CEP295NL: variants seen among roughly 807,000 people sequenced by gnomAD.
CEP295NL encodes the protein protein DDC8 homolog.
A neutral mutation model predicts 4.6 loss-of-function variants in CEP295NL; 3 were observed. That is an observed-to-expected ratio of 0.65 (90% CI 0.30 to 1.69). The LOEUF (loss-of-function observed/expected upper bound fraction) is 1.69, where lower values mean the gene tolerates loss of function less well. Ranked by LOEUF, CEP295NL falls within the 40% of genes most tolerant of loss-of-function variation. The pLI is 0.10. For synonymous variants in CEP295NL, 295 were observed against 312.2 expected (o/e 0.94, Z 0.58); for missense variants, 719 against 769.0 (o/e 0.93, Z 0.77).
chr17:78,892,023 C>A lies in CEP295NL; in HGVS notation c.481G>T (p.Ala161Ser). 6.4e-7 allele frequency: 1 copy of A among 1,550,714 alleles called. No homozygotes were observed. Among genetic ancestry groups the A allele is most frequent in the Non-Finnish European group, 8.7e-7 (1 of 1,147,024 alleles). Residue 161 changes from alanine to serine, a missense_variant, in exon 3 of 3, where the codon GCC becomes TCC. Transcript: ENST00000322630. ...TTCTCCTTGGCCCTCGGGGGCCTGG[C>A]TGATCTTCGCTGGATGGGCCCCTGC... is the stretch of plus-strand genomic sequence containing the variant. ...DSQGPIQRRS[A>S]RPPRAKEKHR... is the part of the protein sequence containing the mutation.
rs1439837111 is a variant in CEP295NL at position 78,897,944 on chromosome 17, G to GA, written c.44+3840dup. 2.6e-5 allele frequency: 4 copies of GA among 152,302 alleles called. No homozygotes were observed. In the South Asian group the frequency reaches 6.2e-4, roughly 24 times the overall value. The allele number at this position is 152,302 out of a possible 1,614,324, so 9.4% of individuals were successfully genotyped here. A position where few individuals can be genotyped will look rare whatever the true frequency, so the allele number is the denominator to read the frequency against. On this transcript the variant is annotated intron_variant, in intron 2 of 2. Transcript: ENST00000322630. ...GCAGAGGTCTTTGGGATAAAGTCCA[G>GA]AAAATCACAGCTGGCTCCATCATTC...
In CEP295NL at chr17:78,891,847, CG is replaced by C; in HGVS notation, c.656del (p.Pro219ArgfsTer32). 6.4e-7 allele frequency: 1 copy of C among 1,550,692 alleles called. No homozygotes were observed. Among genetic ancestry groups the C allele is most frequent in the Non-Finnish European group, 8.7e-7 (1 of 1,147,008 alleles). On this transcript the variant is annotated frameshift_variant, in exon 3 of 3. Coordinates refer to ENST00000322630, the MANE Select transcript of CEP295NL (RefSeq NM_001243540.2). LOFTEE classifies it low-confidence loss of function (END_TRUNC). This position sits in a 1 kb window ranked among gnomAD's most constrained non-coding sequence, Gnocchi z 4.5. ...CTGGCCTTCCCTTTCTCTTCTCAGG[CG>C]GGGCCAGGTGAGAATTCATCCGACC... ...ATGRMNSHLA[P>X]PEKRKGRPEP...
intron 2 of CEP295NL, among the ~76,000 whole-genome samples, chr17:78,895,250 C>T (rs564516908): frequency 2.0e-5 from 3 of 152,242 alleles, no homozygotes; most frequent in South Asian, 2.1e-4. Context: ...CATTGCACTC[C>T]AGCCTGGATG....
chr17:78,902,209 C>T (rs1426221541), intron 1 of CEP295NL, among the ~76,000 whole-genome samples: 3 of 152,210 alleles, frequency 2.0e-5, no homozygotes, highest in Non-Finnish European at 2.9e-5. Flanking sequence ...CGGGTTCAAG[C>T]AATTCTCCTG....
chr17:78,892,002 C>A lies in CEP295NL; in HGVS notation c.502G>T (p.Glu168Ter). 6.4e-7 allele frequency: 1 copy of A among 1,550,716 alleles called. No individual in the cohort carries two copies. The change falls in exon 3 of 3, where the codon GAG becomes TAG. Residue 168 changes from glutamate (E) to a stop codon, truncating the protein, a stop_gained. Coordinates refer to ENST00000322630, the MANE Select transcript of CEP295NL (RefSeq NM_001243540.2). LOFTEE classifies it low-confidence loss of function (END_TRUNC). ...TCACTAAGGGCTGCTCTATGCTTCTCCTTGGCCCTCGGGGGCCTGGCTGAT... is the reference window on the plus strand; with the variant it reads ...TCACTAAGGGCTGCTCTATGCTTCTACTTGGCCCTCGGGGGCCTGGCTGAT... ...RRSARPPRAK[E>*]KHRAALSEER...
In CEP295NL at chr17:78,896,799, G is replaced by A. The variant is rs891686517; in HGVS notation, c.45-4340C>T. ...TCCCACAGAGCGGAGTGGACACTGGGCCCATTCTCCTCTCTTGCTCTCTAC... is the reference window on the plus strand; with the variant it reads ...TCCCACAGAGCGGAGTGGACACTGGACCCATTCTCCTCTCTTGCTCTCTAC... On this transcript the variant is annotated intron_variant, in intron 2 of 2. Coordinates refer to ENST00000322630, the MANE Select transcript of CEP295NL (RefSeq NM_001243540.2). This position sits in a 1 kb window ranked among gnomAD's most constrained non-coding sequence, Gnocchi z 4.4. 1 of 446,392 alleles carries A rather than the reference G, an allele frequency of 2.2e-6. No individual in the cohort carries two copies. The highest frequency in any genetic ancestry group is 2.2e-5 in the African/African-American group (1 of 46,500). 27.7% of individuals were successfully genotyped at this position (446,392 alleles called of 1,614,324 possible).
chr17:78,893,792 C>G (rs1384552568), intron 2 of CEP295NL, among the ~76,000 whole-genome samples: 2 of 152,070 alleles, frequency 1.3e-5, no homozygotes, highest in Non-Finnish European at 2.9e-5. Context: ...AAGGACTCTT[C>G]CAGGTCTCTT....
At position 78,893,704 on chromosome 17, in the gene CEP295NL, A is replaced by G. The variant is rs191317547; in HGVS notation, c.45-1245T>C. ...TGCAAGTCTGATACTTGAATCCAGTAGAAACCAGAGAGGAGGAGAAGCTGG... is the reference window on the plus strand; with the variant it reads ...TGCAAGTCTGATACTTGAATCCAGTGGAAACCAGAGAGGAGGAGAAGCTGG... On this transcript the variant is annotated intron_variant, in intron 2 of 2. Transcript: ENST00000322630. 3.7e-3 allele frequency among the ~76,000 whole-genome samples: 560 copies of G among 152,166 alleles called. 2 individuals are homozygous for G. Among genetic ancestry groups the G allele is most frequent in the African/African-American group, 0.013 (525 of 41,482 alleles).
In CEP295NL at chr17:78,896,026, C is replaced by T. The variant is rs934829694; in HGVS notation, c.45-3567G>A. Among the ~76,000 whole-genome samples, 7 of 152,238 alleles carry T rather than the reference C, an allele frequency of 4.6e-5. No individual in the cohort carries two copies. The highest frequency in any genetic ancestry group is 8.8e-5 in the Non-Finnish European group (6 of 68,044). ...AGCAGCGTCAGTTTTCCTGGAGACACGCAAACGGGTAAAAACTTAACACAT... is the reference window on the plus strand; with the variant it reads ...AGCAGCGTCAGTTTTCCTGGAGACATGCAAACGGGTAAAAACTTAACACAT... On this transcript the variant is annotated intron_variant, in intron 2 of 2. Transcript: ENST00000322630. This position sits in a 1 kb window ranked among gnomAD's most constrained non-coding sequence, Gnocchi z 4.4.
chr17:78,896,366 A>G lies in CEP295NL; in HGVS notation c.45-3907T>C, dbSNP rs1033746204. On this transcript the variant is annotated intron_variant, in intron 2 of 2. Coordinates refer to ENST00000322630, the MANE Select transcript of CEP295NL (RefSeq NM_001243540.2). The surrounding 1 kb of genome is among the most constrained non-coding windows in gnomAD (Gnocchi z 4.4). The stretch of plus-strand genomic sequence containing the variant: ...GCCTGTGATGCCCAGGCTGATCTCC[A>G]GGCAGCCCAGTGTCTCTCCAGCCCT... Among the ~76,000 whole-genome samples the G allele has an allele frequency of 3.3e-5, 5 of 152,176 alleles. No homozygotes were observed. The highest frequency in any genetic ancestry group is 1.2e-4 in the African/African-American group (5 of 41,450).
At chr17:78,893,143 GTACATGTGTGTGCAGGGGTGTGTGTGCA>G (rs1304701986) in intron 2 of CEP295NL, among the ~76,000 whole-genome samples, 410 of 144,866 alleles carry the variant, frequency 2.8e-3, no homozygotes, top group Non-Finnish European at 4.0e-3. Context: ...GTGTGTGTGC[GTACATGTGTGTGCAGGGGTGTGTGTGCA>G]TACATGTGTG....
chr17:78,895,530 G>A (rs774721678), intron 2 of CEP295NL, among the ~76,000 whole-genome samples: 3 of 152,188 alleles, frequency 2.0e-5, no homozygotes, highest in Non-Finnish European at 4.4e-5. Context: ...CACGCTGCTG[G>A]TGGGAATGGA....
chr17:78,896,986 C>T lies in CEP295NL; in HGVS notation c.45-4527G>A. ...CTACAGCTTGAGAATGACGTCCAAG[C>T]AGCTCGCCTTTCCCTGGGCGGCCGC... On this transcript the variant is annotated intron_variant, in intron 2 of 2. Transcript: ENST00000322630. The surrounding 1 kb of genome is among the most constrained non-coding windows in gnomAD (Gnocchi z 4.4). 1 of 985,402 alleles carries T rather than the reference C, an allele frequency of 1.0e-6. No individual in the cohort carries two copies. Among genetic ancestry groups the T allele is most frequent in the Non-Finnish European group, 1.2e-6 (1 of 829,920 alleles). The allele number at this position is 985,402 out of a possible 1,614,324, so 61.0% of individuals were successfully genotyped here.
At chr17:78,900,127 C>T (rs1379634210) in intron 2 of CEP295NL, 2 of 152,130 alleles carry the variant, frequency 1.3e-5, no homozygotes, top group Non-Finnish European at 2.9e-5. Flanking sequence ...AACAGAGGTC[C>T]CATAAACTAA....
At chr17:78,900,861 G>A (rs1422964482) in intron 2 of CEP295NL, 1 of 152,288 alleles carries the variant, frequency 6.6e-6, no homozygotes, top group East Asian at 1.9e-4. Flanking sequence ...CAGCACAGGG[G>A]ACAAAAGACG....
At chr17:78,892,719 A>T (rs1053916327) in intron 2 of CEP295NL, among the ~76,000 whole-genome samples, 6 of 152,194 alleles carry the variant, frequency 3.9e-5, no homozygotes, top group Non-Finnish European at 5.9e-5. Context: ...CAATGTCTGG[A>T]AACATTTTCT....
intron 2 of CEP295NL, among the ~76,000 whole-genome samples, chr17:78,894,200 C>T (rs530938048): frequency 2.0e-5 from 3 of 151,886 alleles, no homozygotes; most frequent in Non-Finnish European, 2.9e-5. Flanking sequence ...CCTACCCCCC[C>T]CGGTTCACAG....
Position 78,891,994 on chromosome 17 carries a change from A to T in CEP295NL, c.510T>A (p.His170Gln), listed in dbSNP as rs1021106466. The T allele has an allele frequency of 5.8e-6, 9 of 1,550,328 alleles. No individual in the cohort carries two copies. The highest frequency in any genetic ancestry group is 7.0e-6 in the Non-Finnish European group (8 of 1,147,002). ...SARPPRAKEK[H>Q]RAALSEERSC... ...TCCTCTCTTCACTAAGGGCTGCTCT[A>T]TGCTTCTCCTTGGCCCTCGGGGGCC... Residue 170 changes from histidine (H) to glutamine (Q), a missense_variant, in exon 3 of 3, where the codon CAT becomes CAA. Physicochemically the swap from His to Gln is conservative, Grantham distance 24 (BLOSUM62 0). Coordinates refer to ENST00000322630, the MANE Select transcript of CEP295NL (RefSeq NM_001243540.2). This position sits in a 1 kb window ranked among gnomAD's most constrained non-coding sequence, Gnocchi z 4.5.
chr17:78,894,856 G>C (rs1304771111), intron 2 of CEP295NL, among the ~76,000 whole-genome samples: 1 of 151,994 alleles, frequency 6.6e-6, no homozygotes, highest in African/African-American at 2.4e-5. Flanking sequence ...GGTACCATAA[G>C]TAAAGTGAAA....
Sources: gnomAD v4.1 joint callset for allele counts (sites outside exome capture counted in the v4.1 genomes callset) on GRCh38, gnomAD v4.1.1 for gene constraint, Gnocchi (gnomAD v3.1) non-coding constraint, MANE v1.5 for transcripts, NCBI Gene and HGNC (gene_info 2026-07-23, HGNC 2026-07-21) for gene names.